Variants in PARD3B observed in about 807,000 individuals in gnomAD.
The protein encoded by PARD3B is par-3 family cell polarity regulator beta.
In PARD3B, 103 loss-of-function variants were observed where a neutral mutation model predicts 130.2. The ratio of observed to expected loss-of-function variants is 0.79; its 90% CI spans 0.67 to 0.93. PARD3B has a LOEUF of 0.93. Among genes scored for constraint, PARD3B ranks in the 40% least tolerant of loss-of-function variants. The pLI is 0.00. For missense variants in PARD3B, 1,609 were observed against 1,499.2 expected, an observed-to-expected ratio of 1.07 and a Z score of -1.21; for synonymous variants, 583 against 553.2, an observed-to-expected ratio of 1.05 and a Z score of -0.76.
chr2:204,762,549 T>C (rs1299586239), intron 2 of PARD3B, among the ~76,000 whole-genome samples: 2 of 152,184 alleles, frequency 1.3e-5, no homozygotes, highest in Non-Finnish European at 2.9e-5. Flanking sequence ...GATATTTGCA[T>C]TGAATTAGGA....
At chr2:205,462,352 G>A (rs2048478837) in intron 20 of PARD3B, among the ~76,000 whole-genome samples, 1 of 152,152 alleles carries the variant, frequency 6.6e-6, no homozygotes, top group Admixed American at 6.5e-5. Context: ...TCATCAATCA[G>A]TACATTTCTG....
At chr2:205,088,040 A>T (rs1032726773) in intron 4 of PARD3B, among the ~76,000 whole-genome samples, 1 of 152,256 alleles carries the variant, frequency 6.6e-6, no homozygotes, top group East Asian at 1.9e-4. Context: ...AATGGCATCT[A>T]GATGAATGTG....
chr2:205,351,736 G>C lies in PARD3B; in HGVS notation c.2631-49277G>C, dbSNP rs1344607326. On this transcript the variant is annotated intron_variant, in intron 18 of 22. Coordinates refer to ENST00000406610, the MANE Select transcript of PARD3B (RefSeq NM_001302769.2). This position sits in a 1 kb window ranked among gnomAD's most constrained non-coding sequence, Gnocchi z 4.2. ...CTAGAATTGCTAAAGGTAGCTCTGTGAGTAAGGTGGGTTGCTAGCCTATCA... is the reference window on the plus strand; with the variant it reads ...CTAGAATTGCTAAAGGTAGCTCTGTCAGTAAGGTGGGTTGCTAGCCTATCA... Among the ~76,000 whole-genome samples the C allele has an allele frequency of 6.6e-6, 1 of 152,052 alleles. No homozygotes were observed. Among genetic ancestry groups the C allele is most frequent in the African/African-American group, 2.4e-5 (1 of 41,400 alleles).
intron 2 of PARD3B, among the ~76,000 whole-genome samples, chr2:204,884,879 T>G (rs2046215783): frequency 6.6e-6 from 1 of 152,234 alleles, no homozygotes; most frequent in Non-Finnish European, 1.5e-5. Context: ...TCCAGTCTAT[T>G]GATGAGCATT....
At chr2:204,912,407 A>G (rs1043724935) in intron 2 of PARD3B, among the ~76,000 whole-genome samples, 1 of 152,150 alleles carries the variant, frequency 6.6e-6, no homozygotes, top group Admixed American at 6.5e-5. Context: ...TGCATTTGTT[A>G]TCATGTCATA....
intron 2 of PARD3B, among the ~76,000 whole-genome samples, chr2:204,911,045 A>G (rs559779836): frequency 2.2e-4 from 33 of 152,288 alleles, no homozygotes; most frequent in Non-Finnish European, 4.4e-4. Flanking sequence ...ATATTATTAC[A>G]TTGCTCATAA....
At chr2:204,931,837 A>G (rs529534473) in intron 2 of PARD3B, among the ~76,000 whole-genome samples, 111 of 152,180 alleles carry the variant, frequency 7.3e-4, no homozygotes, top group Non-Finnish European at 1.1e-3. Flanking sequence ...AAGTTTCAAA[A>G]CAGAAGAATG....
intron 16 of PARD3B, among the ~76,000 whole-genome samples, chr2:205,254,755 C>G (rs916054051): frequency 2.0e-5 from 3 of 151,314 alleles, no homozygotes; most frequent in East Asian, 2.0e-4. Flanking sequence ...GCTCCGCCCC[C>G]CGGGGTTCAC....
Position 205,076,501 on chromosome 2 carries a change from T to C in PARD3B, c.505-27925T>C, listed in dbSNP as rs543527188. 2.5e-3 allele frequency among the ~76,000 whole-genome samples: 385 copies of C among 152,298 alleles called. 5 individuals carry two copies. Among genetic ancestry groups the C allele is most frequent in the Middle Eastern group, 0.017 (5 of 294 alleles). ...GCTTCTCAAAGTTTGTTCCACAGAT[T>C]TCTAGCTCTCTAGATTGGGGATCAT... is the stretch of plus-strand genomic sequence containing the variant. On this transcript the variant is annotated intron_variant, in intron 4 of 22. Coordinates refer to ENST00000406610, the MANE Select transcript of PARD3B (RefSeq NM_001302769.2).
rs192142495 is a variant in PARD3B, at chr2:205,396,689, C to A, written c.2631-4324C>A. On this transcript the variant is annotated intron_variant, in intron 18 of 22. Coordinates refer to ENST00000406610, the MANE Select transcript of PARD3B (RefSeq NM_001302769.2). Reference sequence around the variant, plus strand: ...TGCACAGAATTTTTTAGGAAAATATCTTTTATATAAAGTAAGGTTGACCTC... The same window carrying A: ...TGCACAGAATTTTTTAGGAAAATATATTTTATATAAAGTAAGGTTGACCTC... Among the ~76,000 whole-genome samples, 4 of 152,256 alleles carry A rather than the reference C, an allele frequency of 2.6e-5. No individual in the cohort carries two copies. In the South Asian group the frequency reaches 6.2e-4, roughly 24 times the overall value.
intron 2 of PARD3B, among the ~76,000 whole-genome samples, chr2:204,891,154 T>C (rs1316380999): frequency 1.3e-5 from 2 of 151,912 alleles, no homozygotes; most frequent in African/African-American, 4.8e-5. Flanking sequence ...GTGATTCAAC[T>C]GCACGCTGTG....
intron 2 of PARD3B, among the ~76,000 whole-genome samples, chr2:204,933,683 G>A (rs1688199563): frequency 6.6e-6 from 1 of 152,070 alleles, no homozygotes; most frequent in South Asian, 2.1e-4. Flanking sequence ...AGGGACTTTT[G>A]GTTCAAACAT....
rs964376886 is a variant in PARD3B at position 205,047,635 on chromosome 2, A to G, written c.449A>G (p.Asp150Gly). The change falls in exon 4 of 23, where the codon GAT becomes GGT. Residue 150 changes from aspartate to glycine, a missense_variant. Transcript: ENST00000406610. ...SSDPVPGPPA[D>G]TQPSASHPGG... ...GACCCAGTGCCAGGCCCACCTGCTG[A>G]TACCCAGCCAAGCGCTTCACACCCT... is the stretch of plus-strand genomic sequence containing the variant. The G allele has an allele frequency of 5.8e-6, 9 of 1,550,862 alleles. No individual in the cohort carries two copies. The highest frequency in any genetic ancestry group is 7.8e-6 in the Non-Finnish European group (9 of 1,146,956).
At chr2:205,466,562 T>C (rs1024371239) in intron 20 of PARD3B, among the ~76,000 whole-genome samples, 32 of 152,200 alleles carry the variant, frequency 2.1e-4, no homozygotes, top group African/African-American at 6.5e-4. Flanking sequence ...CAAGAAAAGT[T>C]TTATTAATAC....
chr2:204,711,706 C>T (rs2038444302), intron 2 of PARD3B, among the ~76,000 whole-genome samples: 1 of 151,916 alleles, frequency 6.6e-6, no homozygotes, highest in Non-Finnish European at 1.5e-5. Context: ...CCACCATGCC[C>T]AGCTAATATT....
intron 2 of PARD3B, among the ~76,000 whole-genome samples, chr2:204,920,669 A>T (rs1030427788): frequency 6.6e-6 from 1 of 152,144 alleles, no homozygotes; most frequent in Non-Finnish European, 1.5e-5. Flanking sequence ...AGAGCATTTT[A>T]TTTACTCAAC....
intron 1 of PARD3B, among the ~76,000 whole-genome samples, chr2:204,619,864 ACTT>A (rs2034236802): frequency 6.6e-6 from 1 of 152,164 alleles, no homozygotes. Flanking sequence ...AGGCAGGTGT[ACTT>A]CTTGAGCACA....
At chr2:205,344,964 C>T (rs1034973149) in intron 18 of PARD3B, among the ~76,000 whole-genome samples, 1 of 152,156 alleles carries the variant, frequency 6.6e-6, no homozygotes, top group Non-Finnish European at 1.5e-5. Flanking sequence ...TTGATTTTCA[C>T]ATTCAAAAAG....
At chr2:205,162,907 G>A (rs751561575) in intron 11 of PARD3B, among the ~76,000 whole-genome samples, 1 of 152,148 alleles carries the variant, frequency 6.6e-6, no homozygotes, top group Non-Finnish European at 1.5e-5. Flanking sequence ...TTTGAGATCA[G>A]TGGTTTTTCT....
Sources: gnomAD v4.1 joint callset for allele counts (sites outside exome capture counted in the v4.1 genomes callset) on GRCh38, gnomAD v4.1.1 for gene constraint, Gnocchi (gnomAD v3.1) non-coding constraint, MANE v1.5 for transcripts, NCBI Gene and HGNC (gene_info 2026-07-23, HGNC 2026-07-21) for gene names.